Variants in GPLD1 observed in about 807,000 individuals in gnomAD.
GPLD1 encodes glycosylphosphatidylinositol specific phospholipase D1.
Under a neutral mutation model 112.6 loss-of-function variants are expected in GPLD1, and 84 were observed. The observed-to-expected ratio is 0.75, with a 90% CI of 0.63 to 0.89. GPLD1 has a LOEUF of 0.89. GPLD1 is among the 40% of genes least tolerant of loss of function. The pLI is 0.00. For missense variants in GPLD1, 1,044 were observed against 1,051.5 expected (o/e 0.99, Z 0.10); for synonymous variants, 386 against 403.8 (o/e 0.96, Z 0.53).
At position 24,462,794 on chromosome 6, in the gene GPLD1, C is replaced by A. The variant is rs1193836622; in HGVS notation, c.823G>T (p.Asp275Tyr). 6.2e-7 allele frequency: 1 copy of A among 1,609,422 alleles called. No homozygotes were observed. The highest frequency in any genetic ancestry group is 1.1e-5 in the South Asian group (1 of 90,926). The change falls in exon 11 of 25, where the codon GAC becomes TAC. Residue 275 changes from aspartate to tyrosine, a missense_variant and splice_region_variant. Asp to Tyr is a radical substitution (Grantham distance 160). Transcript: ENST00000230036. ...AGAGGGTTCTCAGGCAGGTTGCAGT[C>A]ACTGAGGAAACAGTCAAATGAGTTA... The part of the protein sequence containing the change: ...TSFMLENGTS[D>Y]CNLPENPLFI...
chr6:24,471,529 G>A (rs1763823711), intron 7 of GPLD1, among the ~76,000 whole-genome samples: 1 of 152,050 alleles, frequency 6.6e-6, no homozygotes, highest in Admixed American at 6.6e-5. Flanking sequence ...CAAGGAAAGG[G>A]GAGACTATTG....
intron 20 of GPLD1, among the ~76,000 whole-genome samples, chr6:24,443,276 G>A (rs945736060): frequency 6.6e-6 from 1 of 152,182 alleles, no homozygotes. Context: ...GCTAGCTCCC[G>A]AGCTTCCACA....
intron 10 of GPLD1, among the ~76,000 whole-genome samples, chr6:24,464,074 T>C (rs1763518823): frequency 6.7e-6 from 1 of 149,962 alleles, no homozygotes; most frequent in African/African-American, 2.4e-5. Context: ...TTGGATTATA[T>C]AAAACAAGTA....
intron 12 of GPLD1, among the ~76,000 whole-genome samples, chr6:24,457,646 G>T (rs1763310352): frequency 6.6e-6 from 1 of 151,998 alleles, no homozygotes; most frequent in East Asian, 1.9e-4. Flanking sequence ...ACTTTGGGAG[G>T]TCAAGGTGGG....
chr6:24,426,357 A>G lies in GPLD1; in HGVS notation c.*2675T>C, dbSNP rs1379929778. On this transcript the variant is annotated 3_prime_UTR_variant, in exon 25 of 25. Coordinates refer to ENST00000230036, the MANE Select transcript of GPLD1 (RefSeq NM_001503.4). Reference sequence around the variant, plus strand: ...TAATATATTAGACTGTCATGCATTAATTTTTTCCTGTATGCCAGGTTTTTT... The same window carrying G: ...TAATATATTAGACTGTCATGCATTAGTTTTTTCCTGTATGCCAGGTTTTTT... Among the ~76,000 whole-genome samples the G allele has an allele frequency of 6.6e-6, 1 of 151,664 alleles. No individual in the cohort carries two copies. The highest frequency in any genetic ancestry group is 2.1e-4 in the South Asian group (1 of 4,786).
intron 2 of GPLD1, 21 bp downstream of exon 2, chr6:24,486,054 A>C (rs773389551): frequency 4.1e-6 from 6 of 1,477,182 alleles, no homozygotes; most frequent in Non-Finnish European, 5.6e-6. Flanking sequence ...CAAAGAAGAA[A>C]AGAAAAATCA....
intron 20 of GPLD1, among the ~76,000 whole-genome samples, chr6:24,443,949 C>T (rs1438751313): frequency 6.6e-6 from 1 of 152,204 alleles, no homozygotes; most frequent in Non-Finnish European, 1.5e-5. Flanking sequence ...GCCAGGATTA[C>T]AGGCGTGAGC....
At chr6:24,470,176 C>T (rs2127357716) in intron 7 of GPLD1, among the ~76,000 whole-genome samples, 1 of 152,106 alleles carries the variant, frequency 6.6e-6, no homozygotes, top group South Asian at 2.1e-4. Flanking sequence ...CACCCTGTCG[C>T]CCAAGCTGGA....
At chr6:24,451,833 G>A (rs1763100746) in intron 14 of GPLD1, among the ~76,000 whole-genome samples, 1 of 152,186 alleles carries the variant, frequency 6.6e-6, no homozygotes, top group Non-Finnish European at 1.5e-5. Flanking sequence ...AGGTTGCCTG[G>A]GGACACAAAA....
At chr6:24,460,931 TG>T (rs1763413432) in intron 11 of GPLD1, among the ~76,000 whole-genome samples, 1 of 151,882 alleles carries the variant, frequency 6.6e-6, no homozygotes, top group Non-Finnish European at 1.5e-5. Flanking sequence ...TTAGTAGAGA[TG>T]GAGTTTCACT....
chr6:24,454,709 C>G (rs1763212755), intron 13 of GPLD1, among the ~76,000 whole-genome samples: 2 of 152,212 alleles, frequency 1.3e-5, no homozygotes, highest in Non-Finnish European at 2.9e-5. Context: ...GTAGAGGCTC[C>G]TAGATGAGAT....
chr6:24,448,075 T>C (rs776846854), intron 16 of GPLD1, 42 bp from the exon 17 acceptor site: 2 of 1,612,746 alleles, frequency 1.2e-6, no homozygotes, highest in Admixed American at 3.3e-5. Context: ...CCAGCCCTGG[T>C]GGCAGTTAGG....
At chr6:24,436,150 G>T in intron 22 of GPLD1, among the ~76,000 whole-genome samples, 1 of 152,076 alleles carries the variant, frequency 6.6e-6, no homozygotes, top group East Asian at 1.9e-4. Context: ...TAGCTACTCG[G>T]GAGGCTGAGA....
At chr6:24,432,982 C>A (rs2127312240) in intron 24 of GPLD1, among the ~76,000 whole-genome samples, 1 of 152,302 alleles carries the variant, frequency 6.6e-6, no homozygotes, top group South Asian at 2.1e-4. Flanking sequence ...GGCCCCAACC[C>A]CTGCTGTAGA....
chr6:24,469,968 T>C (rs979978635), intron 7 of GPLD1, among the ~76,000 whole-genome samples: 1 of 152,154 alleles, frequency 6.6e-6, no homozygotes, highest in South Asian at 2.1e-4. Context: ...AAAATATTTT[T>C]TTAAATGAAT....
intron 10 of GPLD1, among the ~76,000 whole-genome samples, chr6:24,465,640 T>A (rs1763580985): frequency 6.6e-6 from 1 of 152,100 alleles, no homozygotes; most frequent in African/African-American, 2.4e-5. Context: ...AGGGGTAGTG[T>A]AAGACTCTGT....
intron 2 of GPLD1, among the ~76,000 whole-genome samples, chr6:24,485,672 C>CTTTTT (rs372900860): frequency 6.8e-6 from 1 of 147,216 alleles, no homozygotes; most frequent in Non-Finnish European, 1.5e-5. Flanking sequence ...AATAATGAGT[C>CTTTTT]TCTTTTTTTT....
intron 2 of GPLD1, among the ~76,000 whole-genome samples, chr6:24,484,397 G>C (rs905335478): frequency 6.6e-6 from 1 of 151,886 alleles, no homozygotes; most frequent in African/African-American, 2.4e-5. Flanking sequence ...TGTATTTTTA[G>C]TGGCGACAAG....
chr6:24,460,248 T>C (rs760309709), intron 12 of GPLD1, 31 bp downstream of exon 12: 25 of 1,612,452 alleles, frequency 1.6e-5, no homozygotes, highest in Non-Finnish European at 2.1e-5. Flanking sequence ...GCAGCATTCC[T>C]CTTTCTCAAC....
Sources: gnomAD v4.1 joint callset for allele counts (sites outside exome capture counted in the v4.1 genomes callset) on GRCh38, gnomAD v4.1.1 for gene constraint, MANE v1.5 for transcripts, NCBI Gene and HGNC (gene_info 2026-07-23, HGNC 2026-07-21) for gene names.